KDM2B: variants seen among roughly 807,000 people sequenced by gnomAD.
KDM2B encodes the protein lysine-specific demethylase 2B.
KDM2B carries 26 observed loss-of-function variants against 150.0 expected under a neutral mutation model. The ratio of observed to expected loss-of-function variants is 0.17; its 90% CI spans 0.13 to 0.24. The LOEUF (loss-of-function observed/expected upper bound fraction) is 0.24. KDM2B is among the 10% of genes least tolerant of loss of function. The pLI is 1.00. For synonymous variants in KDM2B, 734 were observed against 729.5 expected, an observed-to-expected ratio of 1.01 and a Z score of -0.10; for missense variants, 1,265 against 1,816.9, an observed-to-expected ratio of 0.70 and a Z score of 5.52.
rs782365096 is a variant in KDM2B, at chr12:121,532,825, G to A, written c.912C>T (p.Tyr304=). 6 of 1,614,200 alleles carry A rather than the reference G, an allele frequency of 3.7e-6. No homozygotes were observed. The highest frequency in any genetic ancestry group is 5.1e-6 in the Non-Finnish European group (6 of 1,180,034). Residue 304 remains tyrosine, a synonymous_variant, in exon 8 of 23, where the codon TAC becomes TAT. Coordinates refer to ENST00000377071, the MANE Select transcript of KDM2B (RefSeq NM_032590.5). The stretch of plus-strand genomic sequence containing the variant: ...ACCTACCGGAAGGGATGAAAAATGT[G>A]TAGCCCTGCTTCAGCTCAATTCTTT... The part of the protein sequence containing the change: ...RCQRIELKQG[Y]TFFIPSGWIH...
At chr12:121,421,371 T>TACAAAAAA in the KDM2B span, among the ~76,000 whole-genome samples, 50 of 46,366 alleles carry the variant, frequency 1.1e-3, 5 homozygotes, top group African/African-American at 3.3e-3. Flanking sequence ...ATCCCATCTC[T>TACAAAAAA]AAAAAAAAAA....
intron 12 of KDM2B, among the ~76,000 whole-genome samples, chr12:121,465,512 G>A (rs949366509): frequency 1.2e-4 from 18 of 152,210 alleles, no homozygotes; most frequent in Non-Finnish European, 2.4e-4. Context: ...GGGATTACAG[G>A]TGTGAGCCAC....
At chr12:121,415,202 A>T in the KDM2B span, 39 of 216,074 alleles carry the variant, frequency 1.8e-4, 1 homozygote, top group Admixed American at 1.7e-3. Flanking sequence ...GTACAAAAAA[A>T]TCTAGAGAGA....
intron 6 of KDM2B, among the ~76,000 whole-genome samples, chr12:121,545,170 T>A (rs1190002555): frequency 1.3e-5 from 2 of 152,190 alleles, no homozygotes; most frequent in African/African-American, 4.8e-5. Flanking sequence ...AGGGTGGGAT[T>A]TTTTTTACCT....
At chr12:121,417,420 A>T in the KDM2B span, 5 of 1,223,116 alleles carry the variant, frequency 4.1e-6, no homozygotes, top group South Asian at 1.5e-5. This position sits in a 1 kb window ranked among gnomAD's most constrained non-coding sequence, Gnocchi z 5.0. Context: ...AACTAAAATT[A>T]AATTTTAGTA....
At chr12:121,547,805 G>C (rs1437502027) in intron 6 of KDM2B, among the ~76,000 whole-genome samples, 2 of 151,906 alleles carry the variant, frequency 1.3e-5, no homozygotes. Context: ...ACCACACCGG[G>C]TCAATTTTTG....
At chr12:121,495,164 ATT>A (rs201375532) in intron 11 of KDM2B, among the ~76,000 whole-genome samples, 18 of 140,742 alleles carry the variant, frequency 1.3e-4, no homozygotes, top group Non-Finnish European at 1.1e-4. Flanking sequence ...CCCTGGCTAA[ATT>A]TTTTTTTTTT....
the KDM2B span, among the ~76,000 whole-genome samples, chr12:121,411,480 T>G: frequency 6.6e-6 from 1 of 152,216 alleles, no homozygotes; most frequent in Non-Finnish European, 1.5e-5. Context: ...TCATACTCAT[T>G]AACATGGTTT....
Position 121,537,899 on chromosome 12 carries a change from G to A in KDM2B, c.684-3309C>T, listed in dbSNP as rs1164664122. Among the ~76,000 whole-genome samples the A allele has an allele frequency of 6.6e-6, 1 of 151,244 alleles. No homozygotes were observed. The highest frequency in any genetic ancestry group is 1.5e-5 in the Non-Finnish European group (1 of 67,730). Reference sequence around the variant, plus strand: ...AAAGGAGGGGGCGCCCGGGCAGCGCGGCCCGCGGTTACCCTCGGCGGCGGC... The same window carrying A: ...AAAGGAGGGGGCGCCCGGGCAGCGCAGCCCGCGGTTACCCTCGGCGGCGGC... On this transcript the variant is annotated intron_variant, in intron 6 of 22. Coordinates refer to ENST00000377071, the MANE Select transcript of KDM2B (RefSeq NM_032590.5). The surrounding 1 kb of genome is among the most constrained non-coding windows in gnomAD (Gnocchi z 8.7).
At chr12:121,561,678 G>C (rs1164016263) in intron 4 of KDM2B, among the ~76,000 whole-genome samples, 2 of 152,202 alleles carry the variant, frequency 1.3e-5, no homozygotes, top group Non-Finnish European at 2.9e-5. Flanking sequence ...TTCTTCTGGG[G>C]GTCTATTGGA....
chr12:121,537,618 G>T lies in KDM2B; in HGVS notation c.684-3028C>A, dbSNP rs1555308960. ...ACCAACTTTGGGGCGCTGCCTGGGG[G>T]CTGCGGAGGCGGGGCGGCCCCGCCC... On this transcript the variant is annotated intron_variant, in intron 6 of 22. Transcript: ENST00000377071. The surrounding 1 kb of genome is among the most constrained non-coding windows in gnomAD (Gnocchi z 8.7). 6.6e-6 allele frequency: 1 copy of T among 152,082 alleles called. No individual in the cohort carries two copies. Among genetic ancestry groups the T allele is most frequent in the African/African-American group, 2.4e-5 (1 of 41,422 alleles). 9.4% of individuals were successfully genotyped at this position (152,082 alleles called of 1,614,324 possible).
At chr12:121,433,202 AAG>A (rs1412649283) in intron 22 of KDM2B, 25 of 456,710 alleles carry the variant, frequency 5.5e-5, no homozygotes, top group Admixed American at 5.2e-4. Context: ...CCTTCCAACA[AAG>A]AAGCTAGAAG....
At chr12:121,420,472 G>A in the KDM2B span, 1 of 1,568,094 alleles carries the variant, frequency 6.4e-7, no homozygotes, top group Non-Finnish European at 8.7e-7. Flanking sequence ...AACACTTCTA[G>A]GACTGCTGAG....
chr12:121,473,736 AG>A (rs1555296282), intron 12 of KDM2B, among the ~76,000 whole-genome samples: 10 of 141,520 alleles, frequency 7.1e-5, no homozygotes, highest in Admixed American at 1.4e-4. Flanking sequence ...AAAAAAAAAG[AG>A]AGAGAGAGAG....
chr12:121,568,033 AAAAT>A lies in KDM2B; in HGVS notation c.397+6510_397+6513del, dbSNP rs1250903123. On this transcript the variant is annotated intron_variant, in intron 4 of 22. Coordinates refer to ENST00000377071, the MANE Select transcript of KDM2B (RefSeq NM_032590.5). ...CGTGAGCCACTGCGCCCAGCCTAAG[AAAAT>A]AAATTGTTGTTGAAGCCCCCATCTG... 3.9e-5 allele frequency among the ~76,000 whole-genome samples: 6 copies of A among 152,216 alleles called. No individual in the cohort carries two copies. The East Asian group carries it at 7.7e-4, about 20-fold the overall frequency.
intron 11 of KDM2B, among the ~76,000 whole-genome samples, chr12:121,499,872 C>T (rs1316602807): frequency 1.3e-5 from 2 of 152,118 alleles, no homozygotes; most frequent in East Asian, 3.9e-4. Flanking sequence ...ATCACTTGAA[C>T]CCGGAGGCAG....
At chr12:121,415,540 C>T in the KDM2B span, among the ~76,000 whole-genome samples, 1 of 152,180 alleles carries the variant, frequency 6.6e-6, no homozygotes, top group East Asian at 1.9e-4. Flanking sequence ...CGCTTGAACC[C>T]AGGAGGTGGA....
At chr12:121,526,861 G>A (rs1418468149) in intron 8 of KDM2B, among the ~76,000 whole-genome samples, 4 of 151,932 alleles carry the variant, frequency 2.6e-5, no homozygotes, top group Non-Finnish European at 5.9e-5. Flanking sequence ...GTAAAACCAC[G>A]TCTCTACTAA....
At position 121,575,690 on chromosome 12, in the gene KDM2B, G is replaced by A. The variant is rs1415209595; in HGVS notation, c.350+91C>T. 5 of 910,286 alleles carry A rather than the reference G, an allele frequency of 5.5e-6. No individual in the cohort carries two copies. Among genetic ancestry groups the A allele is most frequent in the African/African-American group, 4.9e-5 (3 of 61,294 alleles). 56.4% of individuals were successfully genotyped at this position (910,286 alleles called of 1,614,324 possible). On this transcript the variant is annotated intron_variant, in intron 3 of 22. Coordinates refer to ENST00000377071, the MANE Select transcript of KDM2B (RefSeq NM_032590.5). The surrounding 1 kb of genome is among the most constrained non-coding windows in gnomAD (Gnocchi z 4.4). ...AAAAAGATCCTTCTCAGTGATGAGA[G>A]GTGGGAAGAGGGTGGAAGAAATCCA...
Sources: gnomAD v4.1 joint callset for allele counts (sites outside exome capture counted in the v4.1 genomes callset) on GRCh38, gnomAD v4.1.1 for gene constraint, Gnocchi (gnomAD v3.1) non-coding constraint, MANE v1.5 for transcripts, NCBI Gene and HGNC (gene_info 2026-07-23, HGNC 2026-07-21) for gene names.